XKR4: variants seen among roughly 807,000 people sequenced by gnomAD.
XKR4 encodes the protein XK related 4.
In XKR4, 12 loss-of-function variants were observed where a neutral mutation model predicts 53.9. That is an observed-to-expected ratio of 0.22 (90% CI 0.14 to 0.36). XKR4 has a LOEUF of 0.36. XKR4 is among the 10% of genes least tolerant of loss of function. The pLI is 1.00. For missense variants in XKR4, 799 were observed against 859.5 expected (o/e 0.93, Z 0.88); for synonymous variants, 354 against 362.4 (o/e 0.98, Z 0.26).
intron 2 of XKR4, among the ~76,000 whole-genome samples, chr8:55,375,579 A>T (rs895082951): frequency 6.6e-5 from 10 of 152,038 alleles, no homozygotes; most frequent in African/African-American, 2.4e-4. Flanking sequence ...AAGGCCTGAA[A>T]CCTCACGAAT....
intron 1 of XKR4, among the ~76,000 whole-genome samples, chr8:55,125,845 TTC>T (rs1309048276): frequency 1.3e-5 from 2 of 152,290 alleles, no homozygotes; most frequent in East Asian, 3.9e-4. Flanking sequence ...TGTTTTAAAA[TTC>T]TGTTTGTATC....
chr8:55,476,556 G>A (rs1360118314), intron 2 of XKR4, among the ~76,000 whole-genome samples: 1 of 68,428 alleles, frequency 1.5e-5, no homozygotes, highest in Non-Finnish European at 2.8e-5. Flanking sequence ...GCCAGACAGT[G>A]GGTGCAGCAC....
intron 1 of XKR4, among the ~76,000 whole-genome samples, chr8:55,141,412 C>T (rs1220327264): frequency 6.6e-6 from 1 of 152,026 alleles, no homozygotes; most frequent in Non-Finnish European, 1.5e-5. Context: ...TCTCCTCTGC[C>T]CTCCTCCTCC....
At chr8:55,135,033 A>C (rs967810108) in intron 1 of XKR4, among the ~76,000 whole-genome samples, 8 of 152,160 alleles carry the variant, frequency 5.3e-5, no homozygotes, top group Non-Finnish European at 1.0e-4. Flanking sequence ...AGATATGATA[A>C]ATATATGCAT....
At chr8:55,282,890 T>C (rs1703095723) in intron 1 of XKR4, among the ~76,000 whole-genome samples, 1 of 152,236 alleles carries the variant, frequency 6.6e-6, no homozygotes, top group Non-Finnish European at 1.5e-5. Flanking sequence ...AAAATTACTA[T>C]TGTCATGGTA....
chr8:55,511,712 A>G (rs1806628591), intron 2 of XKR4, among the ~76,000 whole-genome samples: 1 of 152,268 alleles, frequency 6.6e-6, no homozygotes, highest in African/African-American at 2.4e-5. Flanking sequence ...AATAATATTA[A>G]GTACACATTC....
chr8:55,192,674 C>T (rs1817459460), intron 1 of XKR4, among the ~76,000 whole-genome samples: 1 of 152,016 alleles, frequency 6.6e-6, no homozygotes, highest in Non-Finnish European at 1.5e-5. Context: ...ACATTGTGCA[C>T]ATGTAAAATA....
chr8:55,512,291 C>T (rs1402185217), intron 2 of XKR4, among the ~76,000 whole-genome samples: 2 of 152,218 alleles, frequency 1.3e-5, no homozygotes, highest in Non-Finnish European at 2.9e-5. Flanking sequence ...CACCTTGCCA[C>T]GTGGCTGCCA....
chr8:55,411,659 T>C lies in XKR4; in HGVS notation c.1006+53782T>C, dbSNP rs535722517. Among the ~76,000 whole-genome samples the C allele has an allele frequency of 3.3e-5, 5 of 152,310 alleles. No homozygotes were observed. In the East Asian group the frequency reaches 9.7e-4, roughly 29 times the overall value. ...CTCTGTGGGAATGAGGTCAGACTCG[T>C]AAAGGAGGCCAGCATTCTCCTCCCC... On this transcript the variant is annotated intron_variant, in intron 2 of 2. Coordinates refer to ENST00000327381, the MANE Select transcript of XKR4 (RefSeq NM_052898.2).
intron 2 of XKR4, among the ~76,000 whole-genome samples, chr8:55,368,490 C>A (rs1395165840): frequency 6.6e-6 from 1 of 152,118 alleles, no homozygotes; most frequent in Non-Finnish European, 1.5e-5. Context: ...ATTTGCTGGA[C>A]CATTGCCCTT....
At chr8:55,297,894 A>G (rs1330884042) in intron 1 of XKR4, among the ~76,000 whole-genome samples, 18 of 152,222 alleles carry the variant, frequency 1.2e-4, no homozygotes, top group Non-Finnish European at 4.4e-5. Context: ...TATTTACTAT[A>G]GTAAATTAGA....
intron 1 of XKR4, among the ~76,000 whole-genome samples, chr8:55,236,511 C>T (rs1431132853): frequency 6.6e-6 from 1 of 152,166 alleles, no homozygotes; most frequent in East Asian, 1.9e-4. Context: ...AAGAGGCTGG[C>T]CCACAGAGCT....
At chr8:55,518,390 C>CT (rs1307584480) in intron 2 of XKR4, among the ~76,000 whole-genome samples, 2 of 152,192 alleles carry the variant, frequency 1.3e-5, no homozygotes, top group African/African-American at 4.8e-5. Context: ...GTCCTTCCTT[C>CT]TTTTCCCTCT....
chr8:55,347,594 T>G (rs1347446880), intron 1 of XKR4, among the ~76,000 whole-genome samples: 1 of 152,128 alleles, frequency 6.6e-6, no homozygotes, highest in Non-Finnish European at 1.5e-5. Flanking sequence ...TATGAGAAAA[T>G]GAATCAGTCA....
In XKR4 at chr8:55,129,338, G is replaced by A. The variant is rs147802761; in HGVS notation, c.806+26044G>A. Among the ~76,000 whole-genome samples, 377 of 152,234 alleles carry A rather than the reference G, an allele frequency of 2.5e-3. 2 individuals carry two copies. The highest frequency in any genetic ancestry group is 8.4e-3 in the African/African-American group (350 of 41,538). On this transcript the variant is annotated intron_variant, in intron 1 of 2. Coordinates refer to ENST00000327381, the MANE Select transcript of XKR4 (RefSeq NM_052898.2). ...TCCAATGAAAAAAATTCTCCTATCC[G>A]TTCTCACTCCTGCAGGTCGGGTGCC...
At chr8:55,233,112 G>T (rs1818066985) in intron 1 of XKR4, among the ~76,000 whole-genome samples, 1 of 152,174 alleles carries the variant, frequency 6.6e-6, no homozygotes, top group Admixed American at 6.5e-5. Flanking sequence ...GCAACTGATT[G>T]TAAATTAAAG....
chr8:55,173,933 A>T (rs73598827), intron 1 of XKR4, among the ~76,000 whole-genome samples: 2,860 of 152,300 alleles, frequency 0.019, 96 homozygotes, highest in African/African-American at 0.064. Flanking sequence ...AGATAAAGAA[A>T]TTGACATATT....
intron 1 of XKR4, among the ~76,000 whole-genome samples, chr8:55,236,315 C>T: frequency 6.6e-6 from 1 of 152,172 alleles, no homozygotes; most frequent in East Asian, 1.9e-4. Context: ...TGCATACAGT[C>T]CAGCCCTGGC....
intron 2 of XKR4, among the ~76,000 whole-genome samples, chr8:55,377,060 T>C (rs530849898): frequency 6.6e-6 from 1 of 151,102 alleles, no homozygotes; most frequent in Non-Finnish European, 1.5e-5. Flanking sequence ...TATTTGCGAG[T>C]TATAATGCCT....
Sources: gnomAD v4.1 joint callset for allele counts (sites outside exome capture counted in the v4.1 genomes callset) on GRCh38, gnomAD v4.1.1 for gene constraint, MANE v1.5 for transcripts, NCBI Gene and HGNC (gene_info 2026-07-23, HGNC 2026-07-21) for gene names.